Variants in GNA14 observed in about 807,000 individuals in gnomAD.
The protein encoded by GNA14 is guanine nucleotide-binding protein subunit alpha-14.
GNA14 carries 50 observed loss-of-function variants against 42.0 expected under a neutral mutation model. The observed-to-expected ratio is 1.19, with a 90% CI of 0.95 to 1.51. The LOEUF (loss-of-function observed/expected upper bound fraction) is 1.51, where lower values mean the gene tolerates loss of function less well. Among genes scored for constraint, GNA14 ranks in the 40% most tolerant of loss-of-function variants. The pLI is 0.00. For missense variants in GNA14, 473 were observed against 446.2 expected (o/e 1.06, Z -0.54); for synonymous variants, 173 against 163.1 (o/e 1.06, Z -0.46).
intron 2 of GNA14, 71 bp from the exon 3 acceptor site, chr9:77,434,593 A>G (rs560983773): frequency 7.4e-7 from 1 of 1,356,682 alleles, no homozygotes; most frequent in East Asian, 2.3e-5. Flanking sequence ...TGTCGGTACA[A>G]GTCTTGCCCT....
intron 2 of GNA14, among the ~76,000 whole-genome samples, chr9:77,513,979 T>C (rs1837210592): frequency 6.6e-6 from 1 of 152,006 alleles, no homozygotes; most frequent in African/African-American, 2.4e-5. Context: ...CCCTCAGGGA[T>C]TCTAAAACAG....
intron 1 of GNA14, among the ~76,000 whole-genome samples, chr9:77,633,196 T>C (rs954893431): frequency 1.7e-4 from 26 of 152,126 alleles, no homozygotes; most frequent in African/African-American, 6.0e-4. Context: ...GAAGGTGCTA[T>C]GGGAGAAATA....
intron 2 of GNA14, among the ~76,000 whole-genome samples, chr9:77,451,386 G>A (rs1835899070): frequency 6.6e-6 from 1 of 152,152 alleles, no homozygotes; most frequent in South Asian, 2.1e-4. Flanking sequence ...CACAGCCACT[G>A]TAGTCACTCT....
chr9:77,569,501 G>C (rs528188531), intron 1 of GNA14, among the ~76,000 whole-genome samples: 2 of 152,274 alleles, frequency 1.3e-5, no homozygotes, highest in East Asian at 1.9e-4. Context: ...GAACAAGATG[G>C]ACACAGCTCC....
At chr9:77,486,923 A>C (rs1029876669) in intron 2 of GNA14, among the ~76,000 whole-genome samples, 3 of 152,180 alleles carry the variant, frequency 2.0e-5, no homozygotes, top group African/African-American at 7.2e-5. Flanking sequence ...GAGAATTATC[A>C]AAACTTTCCA....
At chr9:77,505,011 G>C (rs889808619) in intron 2 of GNA14, among the ~76,000 whole-genome samples, 2 of 152,032 alleles carry the variant, frequency 1.3e-5, no homozygotes, top group Non-Finnish European at 2.9e-5. Flanking sequence ...TTCCAAAGTT[G>C]AAAGTCCCTA....
At chr9:77,481,314 G>A (rs1220530761) in intron 2 of GNA14, among the ~76,000 whole-genome samples, 1 of 152,200 alleles carries the variant, frequency 6.6e-6, no homozygotes, top group African/African-American at 2.4e-5. Flanking sequence ...GTATCCAGTA[G>A]TCACTCAGGA....
At chr9:77,476,255 C>A (rs189285938) in intron 2 of GNA14, among the ~76,000 whole-genome samples, 7 of 152,224 alleles carry the variant, frequency 4.6e-5, no homozygotes, top group Admixed American at 3.9e-4. Context: ...AAAATCACAC[C>A]AACAAGATTG....
intron 1 of GNA14, among the ~76,000 whole-genome samples, chr9:77,598,645 G>A (rs922968399): frequency 5.3e-5 from 8 of 152,100 alleles, no homozygotes; most frequent in African/African-American, 1.4e-4. Context: ...CCAATGCTCC[G>A]GAAACTCAAG....
In GNA14 at chr9:77,557,296, C is replaced by T. The variant is rs145861437; in HGVS notation, c.125-28043G>A. ...ATTAGGAGAGAGAAGCAGCTGACTC[C>T]GTGAGGCTATGGTGAATTGCCAGAG... On this transcript the variant is annotated intron_variant, in intron 1 of 6. Transcript: ENST00000341700. 3.6e-3 allele frequency among the ~76,000 whole-genome samples: 554 copies of T among 152,272 alleles called. 5 individuals carry two copies. Among genetic ancestry groups the T allele is most frequent in the African/African-American group, 0.013 (525 of 41,552 alleles).
chr9:77,640,759 C>A (rs1373018772), intron 1 of GNA14, among the ~76,000 whole-genome samples: 1 of 142,828 alleles, frequency 7.0e-6, no homozygotes, highest in Non-Finnish European at 1.5e-5. Context: ...TCCAGTTCTC[C>A]AATAAAAGGA....
At chr9:77,456,946 T>C (rs1836010394) in intron 2 of GNA14, among the ~76,000 whole-genome samples, 1 of 152,208 alleles carries the variant, frequency 6.6e-6, no homozygotes, top group South Asian at 2.1e-4. Context: ...GGACCATAAA[T>C]AGCCTTGACT....
intron 1 of GNA14, among the ~76,000 whole-genome samples, chr9:77,581,804 C>A (rs1352235956): frequency 6.6e-6 from 1 of 152,184 alleles, no homozygotes; most frequent in Non-Finnish European, 1.5e-5. Context: ...CATCATCTCT[C>A]ATCATCCAAC....
Position 77,648,143 on chromosome 9 carries a change from C to T in GNA14, c.-350G>A. On this transcript the variant is annotated 5_prime_UTR_variant, in exon 1 of 7. Transcript: ENST00000341700. Reference sequence around the variant, plus strand: ...GCCCCTTGGCACAGGAGCCGGACAGCAGTCGGGGGCGCAGACGAGTTGGAA... The same window carrying T: ...GCCCCTTGGCACAGGAGCCGGACAGTAGTCGGGGGCGCAGACGAGTTGGAA... 1 of 331,786 alleles carries T rather than the reference C, an allele frequency of 3.0e-6. No individual in the cohort carries two copies. Among genetic ancestry groups the T allele is most frequent in the Non-Finnish European group, 5.5e-6 (1 of 180,750 alleles). The allele number at this position is 331,786 out of a possible 1,614,324, so 20.6% of individuals were successfully genotyped here. A position where few individuals can be genotyped will look rare whatever the true frequency, so the allele number is the denominator to read the frequency against.
At chr9:77,612,305 C>T (rs1327854600) in intron 1 of GNA14, among the ~76,000 whole-genome samples, 9 of 152,084 alleles carry the variant, frequency 5.9e-5, no homozygotes, top group African/African-American at 1.9e-4. Context: ...CCTCACCAAA[C>T]ATTAAAGCTA....
chr9:77,496,067 G>A lies in GNA14; in HGVS notation c.309+33002C>T, dbSNP rs149549656. Among the ~76,000 whole-genome samples the A allele has an allele frequency of 8.5e-4, 129 of 152,308 alleles. No homozygotes were observed. The East Asian group carries it at 0.022, about 26-fold the overall frequency. Reference sequence around the variant, plus strand: ...AAGTTCCACACTGGGAGATGCACCGGGGGAGGTAGTCTGTCTACATTGTCC... The same window carrying A: ...AAGTTCCACACTGGGAGATGCACCGAGGGAGGTAGTCTGTCTACATTGTCC... On this transcript the variant is annotated intron_variant, in intron 2 of 6. Coordinates refer to ENST00000341700, the MANE Select transcript of GNA14 (RefSeq NM_004297.4).
chr9:77,616,932 C>T (rs1040331514), intron 1 of GNA14, among the ~76,000 whole-genome samples: 8 of 151,754 alleles, frequency 5.3e-5, no homozygotes, highest in Admixed American at 3.3e-4. Context: ...TGTGGTGGCA[C>T]GATCTTGGCT....
chr9:77,542,651 A>G (rs1837674844), intron 1 of GNA14, among the ~76,000 whole-genome samples: 1 of 152,190 alleles, frequency 6.6e-6, no homozygotes, highest in South Asian at 2.1e-4. Flanking sequence ...CAAATGGTCC[A>G]TGCTGTTGTT....
intron 4 of GNA14, among the ~76,000 whole-genome samples, chr9:77,429,844 T>C (rs971384620): frequency 7.2e-5 from 11 of 152,174 alleles, no homozygotes; most frequent in African/African-American, 1.2e-4. Context: ...AACGTTTTTT[T>C]AGTAACACCA....
Sources: allele counts gnomAD v4.1 joint callset (sites outside exome capture counted in the v4.1 genomes callset), GRCh38; gene constraint gnomAD v4.1.1; transcripts MANE v1.5; gene names NCBI Gene and HGNC (gene_info 2026-07-23, HGNC 2026-07-21).